The following CHIC2 variants were observed in gnomAD, a reference collection of about 807,000 sequenced individuals.
CHIC2 encodes cysteine rich hydrophobic domain 2.
In CHIC2, 14 loss-of-function variants were observed where a neutral mutation model predicts 25.9. The observed-to-expected ratio is 0.54, with a 90% CI of 0.36 to 0.85. The LOEUF is 0.85. Ranked by LOEUF, CHIC2 falls within the 40% of genes least tolerant of loss-of-function variation. The probability of loss-of-function intolerance (pLI) is 0.01; values close to 1 mark genes in which losing one functional copy is unlikely to be tolerated. For synonymous variants in CHIC2, 70 were observed against 72.0 expected (o/e 0.97, Z 0.14); for missense variants, 146 against 202.0 (o/e 0.72, Z 1.68).
chr4:54,033,236 T>A (rs1049795828), intron 3 of CHIC2, among the ~76,000 whole-genome samples: 1 of 152,200 alleles, frequency 6.6e-6, no homozygotes, highest in Non-Finnish European at 1.5e-5. Flanking sequence ...TTAATTTCAG[T>A]CCTTCTAATA....
chr4:54,030,579 C>A (rs1456070088), intron 3 of CHIC2, among the ~76,000 whole-genome samples: 1 of 143,554 alleles, frequency 7.0e-6, no homozygotes, highest in African/African-American at 2.5e-5. Flanking sequence ...CACACATATA[C>A]AATATATAAA....
At chr4:54,039,785 G>C (rs10022005) in intron 3 of CHIC2, among the ~76,000 whole-genome samples, 147,872 of 152,338 alleles carry the variant, frequency 0.97, 71,929 homozygotes, top group East Asian at 1. Context: ...AAACTGGAAA[G>C]TCAGTGTCTT....
chr4:54,079,475 A>G, the CHIC2 span, among the ~76,000 whole-genome samples: 3 of 152,308 alleles, frequency 2.0e-5, no homozygotes, highest in East Asian at 3.9e-4. Context: ...ACAAATGAAA[A>G]GAAAACCCAC....
intron 3 of CHIC2, among the ~76,000 whole-genome samples, chr4:54,029,974 G>C (rs1330006911): frequency 6.6e-6 from 1 of 152,010 alleles, no homozygotes; most frequent in Non-Finnish European, 1.5e-5. Flanking sequence ...CCCCTAACCA[G>C]AGTAAGTCAC....
chr4:54,060,313 G>A (rs1717292851), intron 1 of CHIC2: 1 of 152,186 alleles, frequency 6.6e-6, no homozygotes, highest in Non-Finnish European at 1.5e-5. Flanking sequence ...GACAGCCATT[G>A]ATAAAAACTG....
At chr4:54,066,785 G>A (rs997028027), upstream of CHIC2, among the ~76,000 whole-genome samples, 3 of 152,162 alleles carry the variant, frequency 2.0e-5, no homozygotes, top group African/African-American at 4.8e-5. Flanking sequence ...GAGACTAGTG[G>A]CTGCACTCAG....
At chr4:54,085,344 T>A in the CHIC2 span, among the ~76,000 whole-genome samples, 1 of 152,200 alleles carries the variant, frequency 6.6e-6, no homozygotes, top group African/African-American at 2.4e-5. Context: ...CGTAGGGGGA[T>A]GCCAATTATT....
Position 54,064,145 on chromosome 4 carries a change from C to A in CHIC2, c.119+37G>T. 6.4e-7 allele frequency: 1 copy of A among 1,562,230 alleles called. No individual in the cohort carries two copies. The highest frequency in any genetic ancestry group is 1.4e-5 in the African/African-American group (1 of 74,010). On this transcript the variant is annotated intron_variant, in intron 1 of 5. Transcript: ENST00000263921. The surrounding 1 kb of genome is among the most constrained non-coding windows in gnomAD (Gnocchi z 4.2). ...CGTGGAGTAACGGGGCCCACCCCAGCCCGCACCTCCCGCCCTCGCCCTCCT... is the reference window on the plus strand; with the variant it reads ...CGTGGAGTAACGGGGCCCACCCCAGACCGCACCTCCCGCCCTCGCCCTCCT...
In CHIC2 at chr4:54,064,493, G is replaced by A; in HGVS notation, c.-193C>T. On this transcript the variant is annotated 5_prime_UTR_variant, in exon 1 of 6. Transcript: ENST00000263921. The surrounding 1 kb of genome is among the most constrained non-coding windows in gnomAD (Gnocchi z 4.2). ...CTGGACCGTCGCCGCCACCGCCGCC[G>A]CCATTACCATCAGCAATAACAACAA... The A allele has an allele frequency of 6.9e-7, 1 of 1,439,448 alleles. No homozygotes were observed. The highest frequency in any genetic ancestry group is 9.1e-7 in the Non-Finnish European group (1 of 1,104,652). The allele number at this position is 1,439,448 out of a possible 1,614,324, so 89.2% of individuals were successfully genotyped here. A position where few individuals can be genotyped will look rare whatever the true frequency, so the allele number is the denominator to read the frequency against.
At chr4:54,024,940 C>G (rs2110066654) in intron 3 of CHIC2, among the ~76,000 whole-genome samples, 1 of 152,244 alleles carries the variant, frequency 6.6e-6, no homozygotes, top group African/African-American at 2.4e-5. Context: ...CAAAATCTTC[C>G]TTCAACTTAA....
intron 3 of CHIC2, among the ~76,000 whole-genome samples, chr4:54,019,976 T>C (rs1251557438): frequency 6.6e-6 from 1 of 152,104 alleles, no homozygotes; most frequent in Non-Finnish European, 1.5e-5. Context: ...AGAAAAACTG[T>C]TCATAAGACA....
chr4:54,012,974 T>C (rs1340613309), intron 5 of CHIC2, among the ~76,000 whole-genome samples: 1 of 152,074 alleles, frequency 6.6e-6, no homozygotes, highest in Non-Finnish European at 1.5e-5. Flanking sequence ...CACACATCTA[T>C]GATGGCTATA....
the CHIC2 span, among the ~76,000 whole-genome samples, chr4:54,084,958 T>TAAAAAAAAAAAAAAAAA: frequency 2.0e-5 from 1 of 48,870 alleles, no homozygotes; most frequent in South Asian, 7.0e-4. Flanking sequence ...TTGCTCTGTC[T>TAAAAAAAAAAAAAAAAA]CAAAAAAAAA....
At chr4:54,074,562 T>C in the CHIC2 span, among the ~76,000 whole-genome samples, 4 of 151,448 alleles carry the variant, frequency 2.6e-5, no homozygotes, top group African/African-American at 9.8e-5. Context: ...GTTGTTTCTA[T>C]GTTCTCCCAC....
chr4:54,029,065 G>C (rs1716144196), intron 3 of CHIC2, among the ~76,000 whole-genome samples: 1 of 151,580 alleles, frequency 6.6e-6, no homozygotes, highest in Non-Finnish European at 1.5e-5. Context: ...GGAGATTGCA[G>C]TGAGCCAACA....
At chr4:54,044,693 C>G (rs1462663437) in intron 3 of CHIC2, among the ~76,000 whole-genome samples, 6 of 152,026 alleles carry the variant, frequency 3.9e-5, no homozygotes, top group African/African-American at 4.8e-5. Flanking sequence ...CAAGAGAAAG[C>G]AGGAAAGATC....
chr4:54,028,554 T>G lies in CHIC2; in HGVS notation c.331-14435A>C, dbSNP rs548867932. Reference sequence around the variant, plus strand: ...TCACTGGTAAAGAGTGAGTAAGGACTCAACTTTCTGATGTTACCATGATAT... The same window carrying G: ...TCACTGGTAAAGAGTGAGTAAGGACGCAACTTTCTGATGTTACCATGATAT... On this transcript the variant is annotated intron_variant, in intron 3 of 5. Transcript: ENST00000263921. Among the ~76,000 whole-genome samples the G allele has an allele frequency of 2.0e-5, 3 of 152,378 alleles. 1 individual carries two copies. The highest frequency in any genetic ancestry group is 6.8e-3 in the Middle Eastern group (2 of 294).
upstream of CHIC2, chr4:54,064,732 G>C (rs1220943041): frequency 4.1e-5 from 36 of 869,712 alleles, no homozygotes; most frequent in Middle Eastern, 5.7e-4. The surrounding 1 kb of genome is among the most constrained non-coding windows in gnomAD (Gnocchi z 4.2). Context: ...CGGGCGGGCG[G>C]GCGCGCGCAC....
chr4:54,064,153 T>A lies in CHIC2; in HGVS notation c.119+29A>T, dbSNP rs1462057593. The A allele has an allele frequency of 6.3e-7, 1 of 1,577,078 alleles. No homozygotes were observed. Among genetic ancestry groups the A allele is most frequent in the Non-Finnish European group, 8.6e-7 (1 of 1,159,114 alleles). On this transcript the variant is annotated intron_variant, in intron 1 of 5. Coordinates refer to ENST00000263921, the MANE Select transcript of CHIC2 (RefSeq NM_012110.4). This position sits in a 1 kb window ranked among gnomAD's most constrained non-coding sequence, Gnocchi z 4.2. ...AACGGGGCCCACCCCAGCCCGCACC[T>A]CCCGCCCTCGCCCTCCTCCGGGCCT...
Sources: allele counts gnomAD v4.1 joint callset (sites outside exome capture counted in the v4.1 genomes callset), GRCh38; gene constraint gnomAD v4.1.1; non-coding constraint Gnocchi (gnomAD v3.1); transcripts MANE v1.5; gene names NCBI Gene and HGNC (gene_info 2026-07-23, HGNC 2026-07-21).